Variants in KCNC4 observed in about 807,000 individuals in gnomAD.
KCNC4 encodes the protein potassium voltage-gated channel subfamily C member 4.
A neutral mutation model predicts 42.8 loss-of-function variants in KCNC4; 23 were observed. That is an observed-to-expected ratio of 0.54 (90% CI 0.39 to 0.76). The LOEUF (loss-of-function observed/expected upper bound fraction) is 0.76, where lower values mean the gene tolerates loss of function less well. Ranked by LOEUF, KCNC4 falls within the 30% of genes least tolerant of loss-of-function variation. KCNC4 has a pLI of 0.00. For synonymous variants in KCNC4, 422 were observed against 393.5 expected (o/e 1.07, Z -0.86); for missense variants, 751 against 898.2 (o/e 0.84, Z 2.10).
chr1:110,273,569 G>A (rs1019188589), intron 1 of KCNC4, among the ~76,000 whole-genome samples: 1 of 152,348 alleles, frequency 6.6e-6, no homozygotes, highest in Admixed American at 6.5e-5. Context: ...GATTTGAACT[G>A]TGTTGCTCCT....
At chr1:110,257,939 C>G (rs867629126) in intron 1 of KCNC4, among the ~76,000 whole-genome samples, 79 of 152,328 alleles carry the variant, frequency 5.2e-4, no homozygotes, top group South Asian at 2.1e-3. Flanking sequence ...AACAAAAGGA[C>G]ATGACATGCA....
exon 4 of KCNC4, chr1:110,242,447 AG>A (rs763019466): frequency 4.4e-4 from 67 of 152,324 alleles, no homozygotes; most frequent in Non-Finnish European, 9.6e-4. Context: ...TTGTTTCCAG[AG>A]GGGTCTGAGC....
chr1:110,262,133 G>T (rs1659467090), intron 1 of KCNC4, among the ~76,000 whole-genome samples: 1 of 152,162 alleles, frequency 6.6e-6, no homozygotes, highest in Admixed American at 6.5e-5. Flanking sequence ...CATATGTTTT[G>T]ATTCCATTTT....
rs759701270 is a variant in KCNC4 at position 110,223,887 on chromosome 1, G to A, written c.1602G>A (p.Glu534=). The A allele has an allele frequency of 6.3e-7, 1 of 1,594,374 alleles. No homozygotes were observed. Among genetic ancestry groups the A allele is most frequent in the Non-Finnish European group, 8.6e-7 (1 of 1,168,154 alleles). ...SPPAREEGMI[E]RKRADSKQNG... Reference sequence around the variant, plus strand: ...CTGCCCGGGAAGAGGGTATGATCGAGAGGAAACGGGCAGGTGAGATTAGGG... The same window carrying A: ...CTGCCCGGGAAGAGGGTATGATCGAAAGGAAACGGGCAGGTGAGATTAGGG... Residue 534 remains glutamate, a synonymous_variant, in exon 2 of 4, where the codon GAG becomes GAA. Coordinates refer to ENST00000438661, the MANE Select transcript of KCNC4 (RefSeq NM_001039574.3). The surrounding 1 kb of genome is among the most constrained non-coding windows in gnomAD (Gnocchi z 7.5).
At chr1:110,271,841 A>G (rs1044406263) in intron 1 of KCNC4, among the ~76,000 whole-genome samples, 8 of 152,158 alleles carry the variant, frequency 5.3e-5, no homozygotes, top group Admixed American at 3.3e-4. Context: ...CCAACTGTAC[A>G]GTGACTCTGA....
At position 110,213,197 on chromosome 1, in the gene KCNC4, A is replaced by AAAAAAAT. The variant is rs869067205; in HGVS notation, c.678+1020_678+1021insAAAAAAT. On this transcript the variant is annotated intron_variant, in intron 1 of 3. Transcript: ENST00000438661. Reference sequence around the variant, plus strand: ...AAAAAAAAAAAAAAAAAAAAAAAAAATCCCTGAAGGATGGCTTTAGATTCT... The same window carrying AAAAAAAT: ...AAAAAAAAAAAAAAAAAAAAAAAAAAAAAAAATTCCCTGAAGGATGGCTTTAGATTCT... Among the ~76,000 whole-genome samples, 19 of 147,238 alleles carry AAAAAAAT rather than the reference A, an allele frequency of 1.3e-4. 1 individual carries two copies. Among genetic ancestry groups the AAAAAAAT allele is most frequent in the African/African-American group, 3.3e-4 (13 of 39,982 alleles).
chr1:110,211,595 C>T lies in KCNC4; in HGVS notation c.96C>T (p.Gly32=), dbSNP rs1657454340. The change falls in exon 1 of 4, where the codon GGC becomes GGT. Residue 32 remains glycine, a synonymous_variant. Transcript: ENST00000438661. The surrounding 1 kb of genome is among the most constrained non-coding windows in gnomAD (Gnocchi z 6.5). The stretch of plus-strand genomic sequence containing the variant: ...GTCTGAAGGAGGAGATGGCCAAGGG[C>T]GAGGCGTCGGAGAAGATCATCATCA... ...KTCLKEEMAK[G]EASEKIIINV... 3 of 1,614,064 alleles carry T rather than the reference C, an allele frequency of 1.9e-6. No individual in the cohort carries two copies. The highest frequency in any genetic ancestry group is 2.2e-5 in the East Asian group (1 of 44,866).
downstream of KCNC4, among the ~76,000 whole-genome samples, chr1:110,250,203 G>A (rs1346444488): frequency 6.6e-6 from 1 of 151,972 alleles, no homozygotes; most frequent in Non-Finnish European, 1.5e-5. Flanking sequence ...ACACTCATCT[G>A]GCTAATGCCT....
intron 3 of KCNC4, among the ~76,000 whole-genome samples, chr1:110,230,769 C>G (rs778604062): frequency 6.6e-6 from 1 of 152,230 alleles, no homozygotes; most frequent in Non-Finnish European, 1.5e-5. Context: ...GCTGAGTAGA[C>G]TGTCTGCCCT....
At chr1:110,248,927 A>T (rs1659203292) in exon 4 of KCNC4, 1 of 152,242 alleles carries the variant, frequency 6.6e-6, no homozygotes, top group African/African-American at 2.4e-5. Context: ...TGCAGGAAAG[A>T]TGAGACGTTT....
rs1658830749 is a variant in KCNC4, at chr1:110,233,796, A to T, written c.*824A>T. Reference sequence around the variant, plus strand: ...AGTTGCAATACTGTACTTCCTGGTCAGTGGCCAGAGGATGCGTGCAATAGC... The same window carrying T: ...AGTTGCAATACTGTACTTCCTGGTCTGTGGCCAGAGGATGCGTGCAATAGC... On this transcript the variant is annotated 3_prime_UTR_variant, in exon 4 of 4. Coordinates refer to ENST00000438661, the MANE Select transcript of KCNC4 (RefSeq NM_001039574.3). 1 of 152,328 alleles carries T rather than the reference A, an allele frequency of 6.6e-6. No individual in the cohort carries two copies. Among genetic ancestry groups the T allele is most frequent in the African/African-American group, 2.4e-5 (1 of 41,458 alleles). The allele number at this position is 152,328 out of a possible 1,614,324, so 9.4% of individuals were successfully genotyped here.
intron 1 of KCNC4, among the ~76,000 whole-genome samples, chr1:110,219,270 C>G (rs1457443965): frequency 2.0e-5 from 3 of 152,212 alleles, no homozygotes; most frequent in Non-Finnish European, 4.4e-5. Flanking sequence ...GGACCCTAAC[C>G]CTCCTCAACT....
Position 110,211,290 on chromosome 1 carries a change from AC to A in KCNC4, c.-206del. 1.4e-6 allele frequency: 1 copy of A among 690,026 alleles called. No individual in the cohort carries two copies. The highest frequency in any genetic ancestry group is 2.4e-6 in the Non-Finnish European group (1 of 425,256). The allele number at this position is 690,026 out of a possible 1,614,324, so 42.7% of individuals were successfully genotyped here. A position where few individuals can be genotyped will look rare whatever the true frequency, so the allele number is the denominator to read the frequency against. On this transcript the variant is annotated 5_prime_UTR_variant, in exon 1 of 4. Coordinates refer to ENST00000438661, the MANE Select transcript of KCNC4 (RefSeq NM_001039574.3). The surrounding 1 kb of genome is among the most constrained non-coding windows in gnomAD (Gnocchi z 6.5). Reference sequence around the variant, plus strand: ...CCTCTCTCCGGAGCTTCCTGCCCTAACCCCAACCACCTGTGTACCGGAGAAA... The same window carrying A: ...CCTCTCTCCGGAGCTTCCTGCCCTAACCCAACCACCTGTGTACCGGAGAAA...
At chr1:110,276,684 C>T (rs1398468694) in intron 1 of KCNC4, among the ~76,000 whole-genome samples, 1 of 152,174 alleles carries the variant, frequency 6.6e-6, no homozygotes, top group African/African-American at 2.4e-5. Context: ...TTAGGAGGCT[C>T]ATTGGCATGT....
intron 1 of KCNC4, among the ~76,000 whole-genome samples, chr1:110,271,773 G>A (rs954914283): frequency 6.6e-6 from 1 of 152,066 alleles, no homozygotes; most frequent in Non-Finnish European, 1.5e-5. Context: ...GGGTTGAGGT[G>A]TGAGGTTGGG....
chr1:110,267,704 C>A (rs1336450426), intron 1 of KCNC4, among the ~76,000 whole-genome samples: 1 of 152,178 alleles, frequency 6.6e-6, no homozygotes. Flanking sequence ...CAGGAAGGGA[C>A]TGAAATCGCC....
At chr1:110,267,855 C>T (rs1214975643) in intron 1 of KCNC4, among the ~76,000 whole-genome samples, 1 of 152,190 alleles carries the variant, frequency 6.6e-6, no homozygotes, top group South Asian at 2.1e-4. Flanking sequence ...TACAGTTAAA[C>T]TTTGAGGCCA....
intron 1 of KCNC4, among the ~76,000 whole-genome samples, chr1:110,213,157 A>G (rs899677098): frequency 2.6e-5 from 3 of 115,974 alleles, no homozygotes; most frequent in African/African-American, 1.1e-4. Flanking sequence ...TTCCCCCATT[A>G]TGCTTCGACA....
At chr1:110,227,060 C>T (rs1366197329) in intron 3 of KCNC4, among the ~76,000 whole-genome samples, 1 of 152,200 alleles carries the variant, frequency 6.6e-6, no homozygotes, top group Non-Finnish European at 1.5e-5. Flanking sequence ...GTTACCTAAC[C>T]TCACTCAATG....
Sources: allele counts gnomAD v4.1 joint callset (sites outside exome capture counted in the v4.1 genomes callset), GRCh38; gene constraint gnomAD v4.1.1; non-coding constraint Gnocchi (gnomAD v3.1); transcripts MANE v1.5; gene names NCBI Gene and HGNC (gene_info 2026-07-23, HGNC 2026-07-21).